The following CWC27 variants were observed in gnomAD, a reference collection of about 807,000 sequenced individuals.
CWC27 encodes spliceosome-associated protein CWC27 homolog.
In CWC27, 47 loss-of-function variants were observed where a neutral mutation model predicts 63.6. The observed-to-expected ratio is 0.74, with a 90% CI of 0.58 to 0.94. CWC27 has a LOEUF of 0.94. CWC27 is among the 40% of genes least tolerant of loss of function. CWC27 has a pLI of 0.00. For missense variants in CWC27, 495 were observed against 554.3 expected (o/e 0.89, Z 1.07); for synonymous variants, 175 against 179.8 (o/e 0.97, Z 0.22).
chr5:64,923,028 G>A (rs1748027590), intron 11 of CWC27, among the ~76,000 whole-genome samples: 1 of 152,182 alleles, frequency 6.6e-6, no homozygotes, highest in African/African-American at 2.4e-5. Context: ...GCTGGCAACA[G>A]TACTCTGTTG....
intron 11 of CWC27, among the ~76,000 whole-genome samples, chr5:64,889,077 A>G (rs1229703524): frequency 6.6e-6 from 1 of 152,206 alleles, no homozygotes; most frequent in Non-Finnish European, 1.5e-5. Flanking sequence ...GACATTCTAC[A>G]AAGTATCTAA....
rs1171839805 is a variant in CWC27, at chr5:64,800,255, A to T, written c.677A>T (p.Lys226Met). ...EEVNRVSQSM[K>M]GKSKSSHDLL... The stretch of plus-strand genomic sequence containing the variant: ...ATTGTACATTCTTTGCAGAGCATGA[A>T]GGGCAAAAGCAAAAGTAGTCATGAC... The change falls in exon 8 of 14, where the codon AAG (lysine) becomes ATG (methionine). Residue 226 changes from lysine (K) to methionine (M), a missense_variant. Physicochemically the swap from Lys to Met is moderately conservative, Grantham distance 95. This residue lies in a region of CWC27 where 463 missense variants were observed against 498.1 expected (regional missense o/e 0.93). Transcript: ENST00000381070. 1.9e-6 allele frequency: 3 copies of T among 1,609,244 alleles called. No individual in the cohort carries two copies. Among genetic ancestry groups the T allele is most frequent in the Non-Finnish European group, 1.7e-6 (2 of 1,176,368 alleles).
At chr5:64,789,474 A>G (rs1744001854) in intron 7 of CWC27, among the ~76,000 whole-genome samples, 1 of 152,136 alleles carries the variant, frequency 6.6e-6, no homozygotes, top group Non-Finnish European at 1.5e-5. Context: ...CATTTTACTC[A>G]TGAATACATT....
At chr5:64,814,623 G>C (rs1005653438) in intron 10 of CWC27, among the ~76,000 whole-genome samples, 1 of 152,122 alleles carries the variant, frequency 6.6e-6, no homozygotes. Flanking sequence ...AGAAAGCAGC[G>C]ACACCAGTAC....
At chr5:65,003,755 G>C (rs747622207) in intron 13 of CWC27, among the ~76,000 whole-genome samples, 1 of 152,080 alleles carries the variant, frequency 6.6e-6, no homozygotes, top group East Asian at 1.9e-4. Flanking sequence ...CGTTGCTGCT[G>C]AGAAATCTGC....
intron 1 of CWC27, among the ~76,000 whole-genome samples, chr5:64,770,416 T>C (rs1684059575): frequency 6.6e-6 from 1 of 152,218 alleles, no homozygotes; most frequent in African/African-American, 2.4e-5. Context: ...AGAGATTGAA[T>C]AGATTTACCA....
chr5:64,803,320 G>T (rs1485348928), intron 9 of CWC27, among the ~76,000 whole-genome samples: 2 of 152,066 alleles, frequency 1.3e-5, no homozygotes, highest in Non-Finnish European at 2.9e-5. Flanking sequence ...TCTTCCCTTT[G>T]TTCCTCCATC....
At chr5:64,907,545 A>G (rs1747676943) in intron 11 of CWC27, among the ~76,000 whole-genome samples, 1 of 152,226 alleles carries the variant, frequency 6.6e-6, no homozygotes, top group South Asian at 2.1e-4. Flanking sequence ...GTTGCTTATC[A>G]GCTTAAGGAG....
At chr5:64,844,341 G>T (rs1745919511) in intron 10 of CWC27, among the ~76,000 whole-genome samples, 1 of 152,192 alleles carries the variant, frequency 6.6e-6, no homozygotes, top group African/African-American at 2.4e-5. Flanking sequence ...CCTGACAGCT[G>T]TGATGCCTGG....
intron 10 of CWC27, among the ~76,000 whole-genome samples, chr5:64,818,670 C>T (rs1745112512): frequency 6.6e-6 from 1 of 152,042 alleles, no homozygotes; most frequent in South Asian, 2.1e-4. Flanking sequence ...GTCTAGTCAC[C>T]TATAAAAAAT....
chr5:65,004,976 G>A (rs1255161073), intron 13 of CWC27, among the ~76,000 whole-genome samples: 5 of 148,226 alleles, frequency 3.4e-5, no homozygotes, highest in Admixed American at 6.7e-5. Context: ...TTCTGGGTGG[G>A]TGCAGTAGTA....
At chr5:64,793,391 A>G (rs1237236265) in intron 7 of CWC27, among the ~76,000 whole-genome samples, 1 of 152,182 alleles carries the variant, frequency 6.6e-6, no homozygotes, top group Non-Finnish European at 1.5e-5. Flanking sequence ...CAAGAACAAT[A>G]CTGTTGAAAT....
At chr5:64,812,720 G>A (rs1406886911) in intron 10 of CWC27, among the ~76,000 whole-genome samples, 1 of 152,088 alleles carries the variant, frequency 6.6e-6, no homozygotes, top group African/African-American at 2.4e-5. Flanking sequence ...CCCAGCCACT[G>A]TGTAAGAACT....
chr5:64,885,609 C>A, intron 11 of CWC27, 63 bp downstream of exon 11: 1 of 1,207,508 alleles, frequency 8.3e-7, no homozygotes, highest in Non-Finnish European at 1.2e-6. Context: ...TTTCTTAGCT[C>A]CTCCCTGCCC....
intron 1 of CWC27, among the ~76,000 whole-genome samples, chr5:64,770,662 G>T (rs1440935535): frequency 6.6e-6 from 1 of 151,984 alleles, no homozygotes; most frequent in Non-Finnish European, 1.5e-5. Context: ...GGAACATAAG[G>T]GCAGAGACAA....
chr5:65,011,446 G>A (rs2112474396), intron 13 of CWC27, among the ~76,000 whole-genome samples: 1 of 152,336 alleles, frequency 6.6e-6, no homozygotes, highest in East Asian at 1.9e-4. Flanking sequence ...AGCTAACTGA[G>A]AGACAGAAGT....
rs775863391 is a variant in CWC27, at chr5:64,840,814, G to A, written c.938+36428G>A. ...AAGTCTGGAAATCAGTTTTGAGGCCGGATCATAAGGGGCTAATCAAGGCAT... is the reference window on the plus strand; with the variant it reads ...AAGTCTGGAAATCAGTTTTGAGGCCAGATCATAAGGGGCTAATCAAGGCAT... On this transcript the variant is annotated intron_variant, in intron 10 of 13. Coordinates refer to ENST00000381070, the MANE Select transcript of CWC27 (RefSeq NM_005869.4). Among the ~76,000 whole-genome samples the A allele has an allele frequency of 7.2e-5, 11 of 152,196 alleles. No homozygotes were observed. In the South Asian group the frequency reaches 8.3e-4, roughly 11 times the overall value.
At chr5:64,818,404 G>T (rs182056430) in intron 10 of CWC27, among the ~76,000 whole-genome samples, 120 of 152,156 alleles carry the variant, frequency 7.9e-4, no homozygotes, top group African/African-American at 2.5e-3. Flanking sequence ...GTTTACTTTA[G>T]TTTTATTAGT....
At chr5:64,990,941 A>G (rs1366271085) in intron 13 of CWC27, among the ~76,000 whole-genome samples, 2 of 152,146 alleles carry the variant, frequency 1.3e-5, no homozygotes, top group African/African-American at 4.8e-5. Context: ...ACTATTCCTT[A>G]TTTATTTAAT....
Sources: allele counts gnomAD v4.1 joint callset (sites outside exome capture counted in the v4.1 genomes callset), GRCh38; gene constraint gnomAD v4.1.1; regional missense constraint gnomAD v4.1.1; transcripts MANE v1.5; gene names NCBI Gene and HGNC (gene_info 2026-07-23, HGNC 2026-07-21).